HSFX4: variants seen among roughly 807,000 people sequenced by gnomAD.
HSFX4 encodes the protein heat shock transcription factor, X-linked member 4.
A neutral mutation model predicts 5.2 loss-of-function variants in HSFX4; 1 was observed. That is an observed-to-expected ratio of 0.19 (90% CI 0.07 to 0.91). The LOEUF is 0.91. Among genes scored for constraint, HSFX4 ranks in the 40% least tolerant of loss-of-function variants. The pLI is 0.66. For synonymous variants in HSFX4, 24 were observed against 68.9 expected (o/e 0.35, Z 3.23); for missense variants, 50 against 178.0 (o/e 0.28, Z 4.09).
chrX:149,931,171 T>C lies in HSFX4; in HGVS notation c.*66T>C, dbSNP rs1557374202. ...TCAGACACACTGCAAATTCGTGAAC[T>C]CACAGGCCACTAATGGCCCATAAAA... On this transcript the variant is annotated 3_prime_UTR_variant, in exon 2 of 2. Transcript: ENST00000457775. 2 of 931,479 alleles carry C rather than the reference T, an allele frequency of 2.1e-6. No individual in the cohort carries two copies. Among genetic ancestry groups the C allele is most frequent in the Admixed American group, 1.2e-4 (2 of 17,106 alleles). The allele number at this position is 931,479 out of a possible 1,213,427, so 76.8% of individuals were successfully genotyped here.
Position 149,930,118 on chromosome X carries a change from G to A in HSFX4, c.474G>A (p.Lys158=), listed in dbSNP as rs2090856822. The change falls in exon 1 of 2, where the codon AAG becomes AAA. Residue 158 remains lysine (K), a synonymous_variant. Transcript: ENST00000457775. ...KTRPSNSPGN[K]KMMIYCNSNF... is the part of the protein sequence containing the mutation. ...GCCCAAGCAACTCTCCAGGAAACAA[G>A]AAAATGATGGTAAAGTAGAAAGCAT... 2 of 1,152,862 alleles carry A rather than the reference G, an allele frequency of 1.7e-6. No homozygotes were observed. The highest frequency in any genetic ancestry group is 2.3e-6 in the Non-Finnish European group (2 of 867,815).
chrX:149,930,374 G>A (rs1385921694), intron 1 of HSFX4, among the ~76,000 whole-genome samples: 3 of 111,459 alleles, frequency 2.7e-5, no homozygotes, highest in African/African-American at 9.9e-5. Flanking sequence ...ACCTCTACGG[G>A]GTTGCAGTTT....
In HSFX4 at chrX:149,931,260, A is replaced by T; in HGVS notation, c.*155A>T. Reference sequence around the variant, plus strand: ...ATAAAGAAAAACAAAATTCCATGGAAATAAATAATAAACAATTTAAATGAG... The same window carrying T: ...ATAAAGAAAAACAAAATTCCATGGATATAAATAATAAACAATTTAAATGAG... On this transcript the variant is annotated 3_prime_UTR_variant, in exon 2 of 2. Transcript: ENST00000457775. 2.5e-6 allele frequency: 1 copy of T among 393,822 alleles called. No homozygotes were observed. Among genetic ancestry groups the T allele is most frequent in the Non-Finnish European group, 3.8e-6 (1 of 260,353 alleles). 32.5% of individuals were successfully genotyped at this position (393,822 alleles called of 1,213,427 possible).
In HSFX4 at chrX:149,931,044, C is replaced by A; in HGVS notation, c.941C>A (p.Ala314Asp). 1.1e-6 allele frequency: 1 copy of A among 938,092 alleles called. No individual in the cohort carries two copies. The highest frequency in any genetic ancestry group is 1.3e-6 in the Non-Finnish European group (1 of 756,076). The allele number at this position is 938,092 out of a possible 1,213,427, so 77.3% of individuals were successfully genotyped here. A position where few individuals can be genotyped will look rare whatever the true frequency, so the allele number is the denominator to read the frequency against. ...TCTTTGTACAATATCTGTTACTACG[C>A]TCTGTTGGCCTCCCTCTCAGTCATG... Reference protein sequence around the residue: ...VMSLYNICYYALLASLSVMSP... With the variant: ...VMSLYNICYYDLLASLSVMSP... Residue 314 changes from alanine to aspartate, a missense_variant, in exon 2 of 2, where the codon GCT (alanine) becomes GAT (aspartate). This residue lies in a region of HSFX4 where 19 missense variants were observed against 24.4 expected (regional missense o/e 0.78). Coordinates refer to ENST00000457775, the MANE Select transcript of HSFX4 (RefSeq NM_001351114.2).
chrX:149,931,061 T>G lies in HSFX4; in HGVS notation c.958T>G (p.Ser320Ala), dbSNP rs1188520861. The change falls in exon 2 of 2, where the codon TCA becomes GCA. Residue 320 changes from serine to alanine, a missense_variant. Coordinates refer to ENST00000457775, the MANE Select transcript of HSFX4 (RefSeq NM_001351114.2). ...ICYYALLASL[S>A]VMSPNEPSDD... ...TTACTACGCTCTGTTGGCCTCCCTC[T>G]CAGTCATGTCTCCAAATGAGCCCTC... is the stretch of plus-strand genomic sequence containing the variant. 2 of 936,425 alleles carry G rather than the reference T, an allele frequency of 2.1e-6. No homozygotes were observed. Among genetic ancestry groups the G allele is most frequent in the African/African-American group, 4.1e-5 (2 of 48,570 alleles). The allele number at this position is 936,425 out of a possible 1,213,427, so 77.2% of individuals were successfully genotyped here. A position where few individuals can be genotyped will look rare whatever the true frequency, so the allele number is the denominator to read the frequency against.
At chrX:149,930,410 T>C (rs1439333992) in intron 1 of HSFX4, among the ~76,000 whole-genome samples, 177 bp from the exon 2 acceptor site, 1 of 111,551 alleles carries the variant, frequency 9.0e-6, no homozygotes, top group African/African-American at 3.3e-5. Context: ...GCTATTTATA[T>C]ATTACTGCCT....
At position 149,931,209 on chromosome X, in the gene HSFX4, T is replaced by C; in HGVS notation, c.*104T>C. 2 of 849,099 alleles carry C rather than the reference T, an allele frequency of 2.4e-6. No homozygotes were observed. Among genetic ancestry groups the C allele is most frequent in the Non-Finnish European group, 3.0e-6 (2 of 675,715 alleles). The allele number at this position is 849,099 out of a possible 1,213,427, so 70.0% of individuals were successfully genotyped here. ...ATGGCCCATAAAAGTTGCCATTTTC[T>C]AATGAGAAACACATTTTTGGTCTTA... On this transcript the variant is annotated 3_prime_UTR_variant, in exon 2 of 2. Transcript: ENST00000457775.
In HSFX4 at chrX:149,931,028, A is replaced by G; in HGVS notation, c.925A>G (p.Asn309Asp). Residue 309 changes from asparagine (N) to aspartate (D), a missense_variant, in exon 2 of 2, where the codon AAT becomes GAT. Asn to Asp is a conservative substitution (Grantham distance 23). Transcript: ENST00000457775. ...TAATGGTAGTGTAATGTCTTTGTACAATATCTGTTACTACGCTCTGTTGGC... is the reference window on the plus strand; with the variant it reads ...TAATGGTAGTGTAATGTCTTTGTACGATATCTGTTACTACGCTCTGTTGGC... ...SDNGSVMSLY[N>D]ICYYALLASL... The G allele has an allele frequency of 2.1e-6, 2 of 937,675 alleles. No individual in the cohort carries two copies. The highest frequency in any genetic ancestry group is 2.6e-6 in the Non-Finnish European group (2 of 755,986). 77.3% of individuals were successfully genotyped at this position (937,675 alleles called of 1,213,427 possible). A position where few individuals can be genotyped will look rare whatever the true frequency, so the allele number is the denominator to read the frequency against.
Position 149,930,008 on chromosome X carries a change from C to T in HSFX4, c.364C>T (p.Arg122Trp), listed in dbSNP as rs1266875460. 1.8e-5 allele frequency: 21 copies of T among 1,144,094 alleles called. No homozygotes were observed. The highest frequency in any genetic ancestry group is 8.0e-5 in the South Asian group (4 of 49,789). 94.3% of individuals were successfully genotyped at this position (1,144,094 alleles called of 1,213,427 possible). A position where few individuals can be genotyped will look rare whatever the true frequency, so the allele number is the denominator to read the frequency against. ...TCTCTTCCAGAGGGAGGTTCTTCAACGGAAAGGTGCAGAGAGGATCTTCAA... is the reference window on the plus strand; with the variant it reads ...TCTCTTCCAGAGGGAGGTTCTTCAATGGAAAGGTGCAGAGAGGATCTTCAA... ...KDLFQREVLQ[R>W]KGAERIFKTD... The change falls in exon 1 of 2, where the codon CGG (arginine) becomes TGG (tryptophan). Residue 122 changes from arginine to tryptophan, a missense_variant. This residue lies in a region of HSFX4 where 31 missense variants were observed against 111.4 expected (regional missense o/e 0.28). Transcript: ENST00000457775.
At position 149,931,012 on chromosome X, in the gene HSFX4, T is replaced by C. The variant is rs1296391233; in HGVS notation, c.909T>C (p.Ser303=). The C allele has an allele frequency of 3.6e-5, 34 of 934,004 alleles. No homozygotes were observed. In the African/African-American group the frequency reaches 6.1e-4, roughly 17 times the overall value. The allele number at this position is 934,004 out of a possible 1,213,427, so 77.0% of individuals were successfully genotyped here. A position where few individuals can be genotyped will look rare whatever the true frequency, so the allele number is the denominator to read the frequency against. Residue 303 remains serine, a synonymous_variant, in exon 2 of 2, where the codon AGT becomes AGC. Transcript: ENST00000457775. Reference sequence around the variant, plus strand: ...GTCTGGTTTACTCAGATAATGGTAGTGTAATGTCTTTGTACAATATCTGTT... The same window carrying C: ...GTCTGGTTTACTCAGATAATGGTAGCGTAATGTCTTTGTACAATATCTGTT... The part of the protein sequence containing the change: ...LSSLVYSDNG[S]VMSLYNICYY...
chrX:149,930,222 G>A lies in HSFX4; in HGVS notation c.483+95G>A, dbSNP rs782342604. ...TGAATAATATACTGTAAGAGCTTAA[G>A]TGTCAAAGATAGCATTTGAAAATGT... On this transcript the variant is annotated intron_variant, in intron 1 of 1. Coordinates refer to ENST00000457775, the MANE Select transcript of HSFX4 (RefSeq NM_001351114.2). 292 of 1,092,920 alleles carry A rather than the reference G, an allele frequency of 2.7e-4. 1 individual carries two copies. In the African/African-American group the frequency reaches 5.1e-3, roughly 19 times the overall value. 90.1% of individuals were successfully genotyped at this position (1,092,920 alleles called of 1,213,427 possible).
At chrX:149,930,359 A>G (rs1455021416) in intron 1 of HSFX4, among the ~76,000 whole-genome samples, 2 of 112,007 alleles carry the variant, frequency 1.8e-5, no homozygotes, top group Non-Finnish European at 3.8e-5. Context: ...GCAGACCTGC[A>G]TATTACCTCT....
Position 149,931,025 on chromosome X carries a change from T to A in HSFX4, c.922T>A (p.Tyr308Asn). Residue 308 changes from tyrosine to asparagine, a missense_variant, in exon 2 of 2, where the codon TAC becomes AAC. Around this residue, in one of 3 missense-constraint regions of HSFX4, gnomAD observed 19 missense variants for 24.4 expected, o/e 0.78. Transcript: ENST00000457775. ...AGATAATGGTAGTGTAATGTCTTTGTACAATATCTGTTACTACGCTCTGTT... is the reference window on the plus strand; with the variant it reads ...AGATAATGGTAGTGTAATGTCTTTGAACAATATCTGTTACTACGCTCTGTT... ...YSDNGSVMSLYNICYYALLAS... is the reference protein window; with the variant it reads ...YSDNGSVMSLNNICYYALLAS... The A allele has an allele frequency of 1.1e-6, 1 of 937,786 alleles. No homozygotes were observed. Among genetic ancestry groups the A allele is most frequent in the Non-Finnish European group, 1.3e-6 (1 of 755,986 alleles). The allele number at this position is 937,786 out of a possible 1,213,427, so 77.3% of individuals were successfully genotyped here. A position where few individuals can be genotyped will look rare whatever the true frequency, so the allele number is the denominator to read the frequency against.
At position 149,931,093 on chromosome X, in the gene HSFX4, T is replaced by C. The variant is rs1180416647; in HGVS notation, c.990T>C (p.Asp330=). 1.1e-6 allele frequency: 1 copy of C among 938,069 alleles called. No homozygotes were observed. The highest frequency in any genetic ancestry group is 5.8e-5 in the Admixed American group (1 of 17,316). The allele number at this position is 938,069 out of a possible 1,213,427, so 77.3% of individuals were successfully genotyped here. The change falls in exon 2 of 2, where the codon GAT becomes GAC. Residue 330 remains aspartate (D), a synonymous_variant. Coordinates refer to ENST00000457775, the MANE Select transcript of HSFX4 (RefSeq NM_001351114.2). ...SVMSPNEPSD[D]EEE ...TGTCTCCAAATGAGCCCTCTGACGA[T>C]GAGGAGGAGTAGGAAGGCTCCTCAG...
In HSFX4 at chrX:149,930,187, G is replaced by A. The variant is rs2090857493; in HGVS notation, c.483+60G>A. On this transcript the variant is annotated intron_variant, in intron 1 of 1. Transcript: ENST00000457775. ...CTCTTTCTCAAACATATCTTCATAG[G>A]ACACCAATTTGAATAATATACTGTA... The A allele has an allele frequency of 7.3e-6, 8 of 1,096,024 alleles. No homozygotes were observed. The African/African-American group carries it at 7.7e-5, about 11-fold the overall frequency. 90.3% of individuals were successfully genotyped at this position (1,096,024 alleles called of 1,213,427 possible). A position where few individuals can be genotyped will look rare whatever the true frequency, so the allele number is the denominator to read the frequency against.
At chrX:149,930,458 G>A (rs1443467409) in intron 1 of HSFX4, 129 bp from the exon 2 acceptor site, 4 of 293,268 alleles carry the variant, frequency 1.4e-5, no homozygotes, top group African/African-American at 1.1e-4. Context: ...AGGTCATGCT[G>A]TAGAGCATAA....
At position 149,930,131 on chromosome X, in the gene HSFX4, A is replaced by AAGT. The variant is rs782072775; in HGVS notation, c.483+7_483+9dup. 0.054 allele frequency: 61,716 copies of AAGT among 1,149,349 alleles called. 1,437 individuals are homozygous for AAGT. The highest frequency in any genetic ancestry group is 0.074 in the Admixed American group (2,681 of 36,325). The allele number at this position is 1,149,349 out of a possible 1,213,427, so 94.7% of individuals were successfully genotyped here. A position where few individuals can be genotyped will look rare whatever the true frequency, so the allele number is the denominator to read the frequency against. Reference sequence around the variant, plus strand: ...TCCAGGAAACAAGAAAATGATGGTAAAGTAGAAAGCATTTCTGTAATCCCT... The same window carrying AAGT: ...TCCAGGAAACAAGAAAATGATGGTAAAGTAGTAGAAAGCATTTCTGTAATCCCT... On this transcript the variant is annotated splice_donor_region_variant and intron_variant, in intron 1 of 1. Coordinates refer to ENST00000457775, the MANE Select transcript of HSFX4 (RefSeq NM_001351114.2).
In HSFX4 at chrX:149,931,212, T is replaced by C; in HGVS notation, c.*107T>C. 5 of 827,431 alleles carry C rather than the reference T, an allele frequency of 6.0e-6. No individual in the cohort carries two copies. Among genetic ancestry groups the C allele is most frequent in the Non-Finnish European group, 7.6e-6 (5 of 656,172 alleles). 68.2% of individuals were successfully genotyped at this position (827,431 alleles called of 1,213,427 possible). On this transcript the variant is annotated 3_prime_UTR_variant, in exon 2 of 2. Transcript: ENST00000457775. ...GCCCATAAAAGTTGCCATTTTCTAA[T>C]GAGAAACACATTTTTGGTCTTAATA... is the stretch of plus-strand genomic sequence containing the variant.
Position 149,931,094 on chromosome X carries a change from G to C in HSFX4, c.991G>C (p.Glu331Gln). ...GTCTCCAAATGAGCCCTCTGACGAT[G>C]AGGAGGAGTAGGAAGGCTCCTCAGA... Reference protein sequence around the residue: ...VMSPNEPSDDEEE With the variant: ...VMSPNEPSDDQEE The change falls in exon 2 of 2, where the codon GAG becomes CAG. Residue 331 changes from glutamate (E) to glutamine (Q), a missense_variant. This residue lies in a region of HSFX4 where 19 missense variants were observed against 24.4 expected (regional missense o/e 0.78). Coordinates refer to ENST00000457775, the MANE Select transcript of HSFX4 (RefSeq NM_001351114.2). 1.1e-6 allele frequency: 1 copy of C among 938,099 alleles called. No individual in the cohort carries two copies. Among genetic ancestry groups the C allele is most frequent in the Non-Finnish European group, 1.3e-6 (1 of 755,983 alleles). The allele number at this position is 938,099 out of a possible 1,213,427, so 77.3% of individuals were successfully genotyped here.
Sources: allele counts gnomAD v4.1 joint callset (sites outside exome capture counted in the v4.1 genomes callset), GRCh38; gene constraint gnomAD v4.1.1; regional missense constraint gnomAD v4.1.1; transcripts MANE v1.5; gene names NCBI Gene and HGNC (gene_info 2026-07-23, HGNC 2026-07-21).